TANC1: variants seen among roughly 807,000 people sequenced by gnomAD.
TANC1 encodes tetratricopeptide repeat, ankyrin repeat and coiled-coil containing 1.
TANC1 carries 77 observed loss-of-function variants against 149.7 expected under a neutral mutation model. The ratio of observed to expected loss-of-function variants is 0.51; its 90% CI spans 0.43 to 0.62. The LOEUF (loss-of-function observed/expected upper bound fraction) is 0.62, where lower values mean the gene tolerates loss of function less well. TANC1 is among the 20% of genes least tolerant of loss of function. The pLI is 0.00. For synonymous variants in TANC1, 854 were observed against 925.0 expected (o/e 0.92, Z 1.39); for missense variants, 1,985 against 2,321.8 (o/e 0.85, Z 2.98).
At chr2:159,004,067 C>T (rs1194417917) in intron 2 of TANC1, 1 of 1,612,118 alleles carries the variant, frequency 6.2e-7, no homozygotes, top group Non-Finnish European at 8.5e-7. Context: ...ATCCCAAAGT[C>T]CAAGCTTCCC....
chr2:159,199,110 A>G (rs2058067884), intron 19 of TANC1, 57 bp downstream of exon 19: 3 of 1,379,764 alleles, frequency 2.2e-6, no homozygotes, highest in Non-Finnish European at 3.1e-6. Flanking sequence ...TTTTAGCCCT[A>G]TTTTGGCCTA....
chr2:159,172,053 G>T, intron 10 of TANC1, 68 bp from the exon 11 acceptor site: 3 of 1,486,168 alleles, frequency 2.0e-6, no homozygotes, highest in Admixed American at 3.7e-5. Context: ...CACAAATCAA[G>T]AAATATATTC....
chr2:159,134,543 C>T (rs1186549250), intron 4 of TANC1, among the ~76,000 whole-genome samples: 3 of 151,752 alleles, frequency 2.0e-5, no homozygotes, highest in Non-Finnish European at 4.4e-5. Context: ...AGTGCAGTGG[C>T]GTGATCTCAG....
At chr2:159,183,235 A>G (rs2056666261) in intron 14 of TANC1, among the ~76,000 whole-genome samples, 1 of 152,196 alleles carries the variant, frequency 6.6e-6, no homozygotes, top group Admixed American at 6.5e-5. Flanking sequence ...GGGAAGGGTA[A>G]GAAAGGCAGG....
Position 159,163,984 on chromosome 2 carries a change from C to T in TANC1, c.946+438C>T, listed in dbSNP as rs144455032. On this transcript the variant is annotated intron_variant, in intron 8 of 26. Coordinates refer to ENST00000263635, the MANE Select transcript of TANC1 (RefSeq NM_033394.3). ...AGGCCGATTGTACAGGCAAGAGGGC[C>T]GAATTTCTGTACAATTTAGTTAAAA... Among the ~76,000 whole-genome samples the T allele has an allele frequency of 1.2e-3, 179 of 152,154 alleles. 1 individual carries two copies. The highest frequency in any genetic ancestry group is 2.0e-3 in the Admixed American group (30 of 15,294).
intron 1 of TANC1, among the ~76,000 whole-genome samples, chr2:158,975,162 T>G (rs929463229): frequency 6.6e-6 from 1 of 152,152 alleles, no homozygotes; most frequent in Non-Finnish European, 1.5e-5. Context: ...TTTATTGTAT[T>G]TATTGTATTT....
chr2:159,014,693 G>A (rs1316426411), intron 2 of TANC1, among the ~76,000 whole-genome samples: 1 of 152,168 alleles, frequency 6.6e-6, no homozygotes, highest in Non-Finnish European at 1.5e-5. Context: ...AGATACAAAG[G>A]GGGTACTGAC....
intron 19 of TANC1, among the ~76,000 whole-genome samples, chr2:159,212,789 C>A (rs190479501): frequency 7.2e-5 from 11 of 152,086 alleles, no homozygotes; most frequent in Admixed American, 2.0e-4. Context: ...GGCGTGGTGG[C>A]ACATGCTGTA....
At chr2:159,093,609 T>A (rs1326590503) in intron 3 of TANC1, among the ~76,000 whole-genome samples, 1 of 152,236 alleles carries the variant, frequency 6.6e-6, no homozygotes, top group Non-Finnish European at 1.5e-5. Flanking sequence ...CCCTACTTTG[T>A]GCCTTTCTAA....
At chr2:159,042,667 G>T (rs951662682) in intron 2 of TANC1, among the ~76,000 whole-genome samples, 11 of 150,330 alleles carry the variant, frequency 7.3e-5, no homozygotes, top group African/African-American at 1.7e-4. Context: ...AAGATTCCGT[G>T]GGGGGTGGTG....
rs750414243 is a variant in TANC1, at chr2:159,194,385, T to C, written c.2871T>C (p.Phe957=). Residue 957 remains phenylalanine (F), a synonymous_variant, in exon 17 of 27, where the codon TTT becomes TTC. Transcript: ENST00000263635. ...HEEVVTLLLE[F]GACLDGTSEN... is the part of the protein sequence containing the mutation. Reference sequence around the variant, plus strand: ...AAGTTGTCACTCTGCTCCTGGAATTTGGTGCCTGCCTGGACGGAACGTCAG... The same window carrying C: ...AAGTTGTCACTCTGCTCCTGGAATTCGGTGCCTGCCTGGACGGAACGTCAG... 4 of 1,614,284 alleles carry C rather than the reference T, an allele frequency of 2.5e-6. No individual in the cohort carries two copies. Among genetic ancestry groups the C allele is most frequent in the Admixed American group, 1.7e-5 (1 of 60,036 alleles).
At chr2:159,179,462 C>T (rs1277256525) in intron 14 of TANC1, among the ~76,000 whole-genome samples, 1 of 151,848 alleles carries the variant, frequency 6.6e-6, no homozygotes, top group African/African-American at 2.4e-5. Context: ...TCATGGAGCC[C>T]CGTCTCCTCC....
intron 19 of TANC1, among the ~76,000 whole-genome samples, chr2:159,200,102 C>T (rs1308589727): frequency 6.6e-6 from 1 of 152,224 alleles, no homozygotes; most frequent in African/African-American, 2.4e-5. Flanking sequence ...AGTCCTTCCC[C>T]TTCCCTTTTA....
intron 19 of TANC1, among the ~76,000 whole-genome samples, chr2:159,212,836 C>T (rs540783781): frequency 1.3e-5 from 2 of 149,944 alleles, no homozygotes; most frequent in East Asian, 2.0e-4. Flanking sequence ...AGGAAAATGG[C>T]GTGAACCCAA....
chr2:159,168,084 TCTGA>T (rs1392451101), intron 8 of TANC1, among the ~76,000 whole-genome samples: 3 of 152,166 alleles, frequency 2.0e-5, no homozygotes, highest in South Asian at 2.1e-4. Flanking sequence ...AAGATAATAA[TCTGA>T]CTAAGATCAA....
intron 3 of TANC1, among the ~76,000 whole-genome samples, chr2:159,079,491 G>T (rs2149783022): frequency 6.6e-6 from 1 of 152,086 alleles, no homozygotes; most frequent in South Asian, 2.1e-4. Context: ...CAGAGCCATG[G>T]TTTGAACCTA....
intron 4 of TANC1, among the ~76,000 whole-genome samples, chr2:159,108,879 C>T (rs981482762): frequency 6.6e-6 from 1 of 152,142 alleles, no homozygotes; most frequent in African/African-American, 2.4e-5. Context: ...TTATTAGGGT[C>T]TGGAGCACTG....
At chr2:159,227,065 A>G (rs940604186) in intron 24 of TANC1, 3 of 152,242 alleles carry the variant, frequency 2.0e-5, no homozygotes, top group African/African-American at 7.2e-5. Flanking sequence ...GGTATGTTGT[A>G]GATTTTTTCC....
At chr2:159,038,083 T>C (rs537482346) in intron 2 of TANC1, among the ~76,000 whole-genome samples, 5 of 152,314 alleles carry the variant, frequency 3.3e-5, no homozygotes, top group African/African-American at 1.2e-4. Flanking sequence ...CCCTTGTAAG[T>C]TGTATTCCTA....
Sources: allele counts gnomAD v4.1 joint callset (sites outside exome capture counted in the v4.1 genomes callset), GRCh38; gene constraint gnomAD v4.1.1; transcripts MANE v1.5; gene names NCBI Gene and HGNC (gene_info 2026-07-23, HGNC 2026-07-21).